The following GALNT17 variants were observed in gnomAD, a reference collection of about 807,000 sequenced individuals.
GALNT17 encodes UDP-GalNAc:polypeptide N-acetylgalactosaminyltransferase-like 3.
Under a neutral mutation model 63.7 loss-of-function variants are expected in GALNT17, and 29 were observed. That is an observed-to-expected ratio of 0.46 (90% confidence interval 0.34 to 0.62). GALNT17 has a LOEUF of 0.62. GALNT17 is among the 20% of genes least tolerant of loss of function. The pLI is 0.01. For synonymous variants in GALNT17, 305 were observed against 318.3 expected, an observed-to-expected ratio of 0.96 and a Z score of 0.45; for missense variants, 603 against 799.6, an observed-to-expected ratio of 0.75 and a Z score of 2.97.
intron 6 of GALNT17, among the ~76,000 whole-genome samples, chr7:71,598,140 C>T (rs1281183664): frequency 6.6e-6 from 1 of 152,136 alleles, no homozygotes; most frequent in Non-Finnish European, 1.5e-5. Flanking sequence ...GATGGGGTTT[C>T]ACCATTATGC....
intron 3 of GALNT17, among the ~76,000 whole-genome samples, chr7:71,388,809 G>C (rs1429139483): frequency 2.6e-5 from 4 of 152,034 alleles, no homozygotes; most frequent in Admixed American, 2.6e-4. Flanking sequence ...TTACAGGAGT[G>C]TGCCACCGTG....
At chr7:71,249,497 G>C (rs1790158550) in intron 1 of GALNT17, among the ~76,000 whole-genome samples, 1 of 152,150 alleles carries the variant, frequency 6.6e-6, no homozygotes, top group Admixed American at 6.5e-5. Flanking sequence ...AAAAGCATGA[G>C]ATGATGAAGA....
At chr7:71,499,788 C>G (rs1354653972) in intron 5 of GALNT17, among the ~76,000 whole-genome samples, 1 of 152,196 alleles carries the variant, frequency 6.6e-6, no homozygotes, top group East Asian at 1.9e-4. Context: ...GGCTGTGTCC[C>G]CCCACAAATC....
intron 1 of GALNT17, among the ~76,000 whole-genome samples, chr7:71,213,703 C>A (rs1789423619): frequency 6.6e-6 from 1 of 152,140 alleles, no homozygotes; most frequent in African/African-American, 2.4e-5. Context: ...TAATTAAATT[C>A]TTTTATATTG....
intron 5 of GALNT17, among the ~76,000 whole-genome samples, chr7:71,509,149 T>C (rs1788313090): frequency 6.6e-6 from 1 of 152,202 alleles, no homozygotes; most frequent in Admixed American, 6.5e-5. Flanking sequence ...ACCATTTCTG[T>C]TTTTCGCTTT....
At chr7:71,430,363 T>G (rs1283744182) in intron 5 of GALNT17, among the ~76,000 whole-genome samples, 8 of 152,106 alleles carry the variant, frequency 5.3e-5, no homozygotes, top group Non-Finnish European at 4.4e-5. Flanking sequence ...TCAGAGAACT[T>G]TTGCTCGTAG....
chr7:71,688,746 C>G (rs564607061), intron 9 of GALNT17, among the ~76,000 whole-genome samples: 1 of 152,286 alleles, frequency 6.6e-6, no homozygotes, highest in East Asian at 1.9e-4. Flanking sequence ...AGAAACAACT[C>G]TATATCTGTT....
chr7:71,186,545 C>T (rs565845588), intron 1 of GALNT17, among the ~76,000 whole-genome samples: 1 of 152,308 alleles, frequency 6.6e-6, no homozygotes, highest in African/African-American at 2.4e-5. Flanking sequence ...CAGGCTTGGA[C>T]TTAGCAGGTG....
At chr7:71,417,145 C>T (rs979369474) in intron 4 of GALNT17, among the ~76,000 whole-genome samples, 2 of 152,182 alleles carry the variant, frequency 1.3e-5, no homozygotes, top group Admixed American at 1.3e-4. Flanking sequence ...TATTTACACT[C>T]ATTGAGGCCT....
At chr7:71,332,658 GGTTTGAGTTTTT>G in intron 1 of GALNT17, among the ~76,000 whole-genome samples, 1 of 151,730 alleles carries the variant, frequency 6.6e-6, no homozygotes, top group Non-Finnish European at 1.5e-5. Flanking sequence ...CTTAACAACT[GGTTTGAGTTTTT>G]GTTTGTTTTT....
chr7:71,588,094 G>T (rs1789745340), intron 6 of GALNT17, among the ~76,000 whole-genome samples: 2 of 152,142 alleles, frequency 1.3e-5, no homozygotes, highest in South Asian at 4.1e-4. Context: ...CCACTAGGTT[G>T]CCATTGTTTC....
intron 1 of GALNT17, among the ~76,000 whole-genome samples, chr7:71,186,820 T>C (rs1788859197): frequency 6.6e-6 from 1 of 152,348 alleles, no homozygotes; most frequent in East Asian, 1.9e-4. Flanking sequence ...GGTGCTCTAC[T>C]GGGAAAATGA....
intron 1 of GALNT17, among the ~76,000 whole-genome samples, chr7:71,332,817 G>A (rs1412312489): frequency 2.0e-5 from 3 of 151,950 alleles, no homozygotes; most frequent in African/African-American, 4.8e-5. Flanking sequence ...TCAGCCTCCC[G>A]AGTAGCTGGG....
intron 1 of GALNT17, among the ~76,000 whole-genome samples, chr7:71,233,355 G>A (rs11976479): frequency 1.3e-5 from 2 of 152,130 alleles, no homozygotes; most frequent in African/African-American, 4.8e-5. Context: ...CTGGATGAGC[G>A]CATCCTCCAT....
chr7:71,680,883 T>C (rs796580420), intron 9 of GALNT17, among the ~76,000 whole-genome samples: 15 of 144,812 alleles, frequency 1.0e-4, no homozygotes, highest in Non-Finnish European at 1.7e-4. Context: ...TCCTTCCTTT[T>C]CTTCCTTCCT....
At chr7:71,404,776 C>G (rs935129417) in intron 3 of GALNT17, among the ~76,000 whole-genome samples, 1 of 152,198 alleles carries the variant, frequency 6.6e-6, no homozygotes, top group Non-Finnish European at 1.5e-5. Flanking sequence ...CCAAAAGATT[C>G]CCTGGATGCC....
intron 5 of GALNT17, among the ~76,000 whole-genome samples, chr7:71,513,489 G>A (rs1455045896): frequency 4.0e-5 from 6 of 151,882 alleles, no homozygotes; most frequent in Non-Finnish European, 7.4e-5. Flanking sequence ...CAGTTCAAGC[G>A]ATTCTCCTGC....
intron 1 of GALNT17, among the ~76,000 whole-genome samples, chr7:71,247,602 A>G (rs915102934): frequency 6.6e-6 from 1 of 152,136 alleles, no homozygotes; most frequent in Admixed American, 6.5e-5. Context: ...GATTACAGGC[A>G]TGCGCCATCG....
chr7:71,480,155 C>CTT (rs67257902), intron 5 of GALNT17, among the ~76,000 whole-genome samples: 13 of 65,328 alleles, frequency 2.0e-4, no homozygotes, highest in African/African-American at 3.7e-4. Context: ...TTTTTGGAGT[C>CTT]TTTTTTTTTT....
Sources: gnomAD v4.1 joint callset for allele counts (sites outside exome capture counted in the v4.1 genomes callset) on GRCh38, gnomAD v4.1.1 for gene constraint, MANE v1.5 for transcripts, NCBI Gene and HGNC (gene_info 2026-07-23, HGNC 2026-07-21) for gene names.